SSC5D: variants seen among roughly 807,000 people sequenced by gnomAD.
SSC5D encodes the protein scavenger receptor cysteine rich family member with 5 domains.
In SSC5D, 106 loss-of-function variants were observed where a neutral mutation model predicts 104.6. That is an observed-to-expected ratio of 1.01 (90% CI 0.87 to 1.19). SSC5D has a LOEUF of 1.19. Among genes scored for constraint, SSC5D ranks in the 50% most tolerant of loss-of-function variants. SSC5D has a pLI of 0.00. For missense variants in SSC5D, 1,993 were observed against 2,153.8 expected, an observed-to-expected ratio of 0.93 and a Z score of 1.48; for synonymous variants, 860 against 883.5, an observed-to-expected ratio of 0.97 and a Z score of 0.47.
Position 55,498,180 on chromosome 19 carries a change from T to C in SSC5D, c.1688T>C (p.Val563Ala), listed in dbSNP as rs758348721. The C allele has an allele frequency of 1.4e-5, 21 of 1,551,570 alleles. No individual in the cohort carries two copies. Among genetic ancestry groups the C allele is most frequent in the Non-Finnish European group, 1.8e-5 (21 of 1,146,980 alleles). The change falls in exon 9 of 14, where the codon GTT becomes GCT. Residue 563 changes from valine (V) to alanine (A), a missense_variant. Val to Ala is a moderately conservative substitution (Grantham distance 64, BLOSUM62 0). Around this residue, in one of 6 missense-constraint regions of SSC5D, gnomAD observed 1,101 missense variants for 1,085.0 expected, o/e 1.01. Coordinates refer to ENST00000389623, the MANE Select transcript of SSC5D (RefSeq NM_001144950.2). ...GKHNCAHNEDVGVTCTGPPGL... is the reference protein window; with the variant it reads ...GKHNCAHNEDAGVTCTGPPGL... ...CACAACTGCGCTCACAATGAGGATG[T>C]TGGGGTCACCTGCACTGGTAAGGAG...
Position 55,497,998 on chromosome 19 carries a change from T to G in SSC5D, c.1506T>G (p.Ala502=), listed in dbSNP as rs1987370034. 1 of 1,551,662 alleles carries G rather than the reference T, an allele frequency of 6.4e-7. No individual in the cohort carries two copies. Among genetic ancestry groups the G allele is most frequent in the Non-Finnish European group, 8.7e-7 (1 of 1,147,018 alleles). ...CDDSWDMRDS[A]VVCRELGCGG... ...ATAGCTGGGACATGCGGGATTCAGC[T>G]GTGGTCTGCCGGGAGCTGGGCTGTG... is the stretch of plus-strand genomic sequence containing the variant. Residue 502 remains alanine (A), a synonymous_variant, in exon 9 of 14, where the codon GCT becomes GCG. Transcript: ENST00000389623.
chr19:55,488,556 C>G lies in SSC5D; in HGVS notation c.-34C>G. 6.5e-7 allele frequency: 1 copy of G among 1,548,472 alleles called. No homozygotes were observed. Among genetic ancestry groups the G allele is most frequent in the Non-Finnish European group, 8.7e-7 (1 of 1,144,832 alleles). On this transcript the variant is annotated 5_prime_UTR_variant, in exon 1 of 14. Transcript: ENST00000389623. ...TCCTCTTCTCTCCCCGCTCTCCTTC[C>G]CCTTTCACCCCATCCCCTGCCCTGG...
intron 13 of SSC5D, among the ~76,000 whole-genome samples, chr19:55,516,930 C>T (rs867496730): frequency 6.6e-6 from 1 of 152,010 alleles, no homozygotes; most frequent in African/African-American, 2.4e-5. Flanking sequence ...CCCACGCATC[C>T]CTCCCTCACC....
In SSC5D at chr19:55,490,895, G is replaced by A. The variant is rs1400626673; in HGVS notation, c.710G>A (p.Arg237Gln). ...CTGCGCGACGCTGCTGTAGCCTGCC[G>A]GGAACTGGGCTGTGGGGGGGCGCTG... is the stretch of plus-strand genomic sequence containing the variant. ...WDLRDAAVAC[R>Q]ELGCGGALAA... The change falls in exon 6 of 14, where the codon CGG (arginine) becomes CAG (glutamine). Residue 237 changes from arginine (R) to glutamine (Q), a missense_variant. By Grantham distance (43) the Arg-to-Gln change is conservative. Around this residue, in one of 6 missense-constraint regions of SSC5D, gnomAD observed 1,101 missense variants for 1,085.0 expected, o/e 1.01. Coordinates refer to ENST00000389623, the MANE Select transcript of SSC5D (RefSeq NM_001144950.2). 31 of 1,545,754 alleles carry A rather than the reference G, an allele frequency of 2.0e-5. No homozygotes were observed. The highest frequency in any genetic ancestry group is 4.8e-5 in the South Asian group (4 of 83,564).
In SSC5D at chr19:55,518,288, A is replaced by T; in HGVS notation, c.4012A>T (p.Thr1338Ser). 6.5e-7 allele frequency: 1 copy of T among 1,548,690 alleles called. No individual in the cohort carries two copies. The highest frequency in any genetic ancestry group is 1.2e-5 in the South Asian group (1 of 83,956). ...PDPSSTPVIT[T>S]VSLPTSLGTE... Reference sequence around the variant, plus strand: ...CCCTTCCTCAACCCCTGTCATCACTACTGTGTCCCTTCCAACCTCCTTGGG... The same window carrying T: ...CCCTTCCTCAACCCCTGTCATCACTTCTGTGTCCCTTCCAACCTCCTTGGG... Residue 1338 changes from threonine to serine, a missense_variant, in exon 14 of 14, where the codon ACT becomes TCT. By Grantham distance (58) the Thr-to-Ser change is moderately conservative. Transcript: ENST00000389623.
intron 8 of SSC5D, among the ~76,000 whole-genome samples, chr19:55,495,231 ATATTTTTTTTT>A (rs1401565850): frequency 3.9e-5 from 1 of 25,968 alleles, no homozygotes; most frequent in Non-Finnish European, 7.2e-5. Context: ...ATATATATAT[ATATTTTTTTTT>A]TTTTTTTTTT....
At chr19:55,508,497 C>T (rs1347690370) in intron 12 of SSC5D, among the ~76,000 whole-genome samples, 2 of 152,150 alleles carry the variant, frequency 1.3e-5, no homozygotes, top group African/African-American at 4.8e-5. Flanking sequence ...CTTGATTTTA[C>T]AGATAAGGAA....
chr19:55,516,404 G>A (rs1324651197), intron 13 of SSC5D, among the ~76,000 whole-genome samples: 4 of 152,074 alleles, frequency 2.6e-5, no homozygotes, highest in Non-Finnish European at 4.4e-5. Context: ...GGCTGAGGCA[G>A]GAGAATGGTG....
At position 55,500,845 on chromosome 19, in the gene SSC5D, G is replaced by A; in HGVS notation, c.2617+41G>A. On this transcript the variant is annotated intron_variant, in intron 11 of 13. Coordinates refer to ENST00000389623, the MANE Select transcript of SSC5D (RefSeq NM_001144950.2). This position sits in a 1 kb window ranked among gnomAD's most constrained non-coding sequence, Gnocchi z 4.6. ...GGCGGTGGTGGGGTTGTCGGGGGTG[G>A]CCAGGAGAATGGAGTCAGGGTGGGG... is the stretch of plus-strand genomic sequence containing the variant. The A allele has an allele frequency of 2.0e-6, 3 of 1,528,216 alleles. No homozygotes were observed. Among genetic ancestry groups the A allele is most frequent in the Non-Finnish European group, 1.8e-6 (2 of 1,133,584 alleles). The allele number at this position is 1,528,216 out of a possible 1,614,324, so 94.7% of individuals were successfully genotyped here. A position where few individuals can be genotyped will look rare whatever the true frequency, so the allele number is the denominator to read the frequency against.
chr19:55,494,736 C>T lies in SSC5D; in HGVS notation c.1340C>T (p.Pro447Leu). 6.5e-7 allele frequency: 1 copy of T among 1,550,012 alleles called. No homozygotes were observed. The highest frequency in any genetic ancestry group is 1.2e-5 in the South Asian group (1 of 83,990). ...GCTCCAGGGACGGCAGGCGTTTCACCTCCTCCAGCCTCCCCTACTGTCCTT... is the reference window on the plus strand; with the variant it reads ...GCTCCAGGGACGGCAGGCGTTTCACTTCCTCCAGCCTCCCCTACTGTCCTT... ...SQAPGTAGVS[P>L]PPASPTVLWE... is the part of the protein sequence containing the mutation. Residue 447 changes from proline (P) to leucine (L), a missense_variant, in exon 8 of 14, where the codon CCT becomes CTT. Physicochemically the swap from Pro to Leu is moderately conservative, Grantham distance 98. This residue lies in a region of SSC5D where 1,101 missense variants were observed against 1,085.0 expected (regional missense o/e 1.01). Transcript: ENST00000389623.
rs1170734737 is a variant in SSC5D, at chr19:55,491,112, T to C, written c.895+32T>C. 9 of 1,531,030 alleles carry C rather than the reference T, an allele frequency of 5.9e-6. No homozygotes were observed. In the South Asian group the frequency reaches 9.8e-5, roughly 17 times the overall value. The allele number at this position is 1,531,030 out of a possible 1,614,324, so 94.8% of individuals were successfully genotyped here. On this transcript the variant is annotated intron_variant, in intron 6 of 13. Coordinates refer to ENST00000389623, the MANE Select transcript of SSC5D (RefSeq NM_001144950.2). ...CGGGCTGGGGCCTGGCCCCCTCCTG[T>C]CTTCCTCAGACCCCAGCTCCCTCTT...
At position 55,493,576 on chromosome 19, in the gene SSC5D, T is replaced by TC; in HGVS notation, c.896-16dup. 7.1e-7 allele frequency: 1 copy of TC among 1,414,396 alleles called. No individual in the cohort carries two copies. 87.6% of individuals were successfully genotyped at this position (1,414,396 alleles called of 1,614,324 possible). A position where few individuals can be genotyped will look rare whatever the true frequency, so the allele number is the denominator to read the frequency against. On this transcript the variant is annotated intron_variant, in intron 6 of 13. Transcript: ENST00000389623. ...CCACCCTCGTTTCCTGGCCCTGTGC[T>TC]CCCTCTCCCACTATCCAGGCCCAGC...
chr19:55,500,415 G>C lies in SSC5D; in HGVS notation c.2302+3G>C. 6.5e-7 allele frequency: 1 copy of C among 1,549,960 alleles called. No individual in the cohort carries two copies. ...TGTTAGCACCACTGGGGAATCAGGT[G>C]AGTGGCCGTGAGGGGTGTGGGGAGA... On this transcript the variant is annotated splice_donor_region_variant and intron_variant, in intron 10 of 13. Coordinates refer to ENST00000389623, the MANE Select transcript of SSC5D (RefSeq NM_001144950.2). This position sits in a 1 kb window ranked among gnomAD's most constrained non-coding sequence, Gnocchi z 4.6.
chr19:55,508,041 T>G (rs1987676527), intron 12 of SSC5D, among the ~76,000 whole-genome samples: 1 of 152,002 alleles, frequency 6.6e-6, no homozygotes, highest in African/African-American at 2.4e-5. Context: ...ACGGGTACCT[T>G]TTACCAGGTC....
At chr19:55,515,901 CTA>C in intron 13 of SSC5D, among the ~76,000 whole-genome samples, 1 of 152,272 alleles carries the variant, frequency 6.6e-6, no homozygotes, top group East Asian at 1.9e-4. Context: ...TGCCTAGACT[CTA>C]TGTGCAAACA....
At chr19:55,502,810 C>T (rs1987540020) in intron 12 of SSC5D, among the ~76,000 whole-genome samples, 1 of 151,192 alleles carries the variant, frequency 6.6e-6, no homozygotes, top group Admixed American at 6.6e-5. Flanking sequence ...TGCACACCAC[C>T]ATGCCTGGCT....
Position 55,517,161 on chromosome 19 carries a change from G to A in SSC5D, c.2948-63G>A, listed in dbSNP as rs886198713. On this transcript the variant is annotated intron_variant, in intron 13 of 13. Transcript: ENST00000389623. ...GGTCGGCTCCTCGAGGGGCGGGGCG[G>A]GACGCGTGGTGGGCGGAGCCGGTTG... 5 of 1,417,422 alleles carry A rather than the reference G, an allele frequency of 3.5e-6. No individual in the cohort carries two copies. In the South Asian group the frequency reaches 6.7e-5, roughly 19 times the overall value. The allele number at this position is 1,417,422 out of a possible 1,614,324, so 87.8% of individuals were successfully genotyped here. A position where few individuals can be genotyped will look rare whatever the true frequency, so the allele number is the denominator to read the frequency against.
Position 55,501,210 on chromosome 19 carries a change from C to G in SSC5D, c.2785+9C>G. The G allele has an allele frequency of 6.6e-7, 1 of 1,508,476 alleles. No individual in the cohort carries two copies. The highest frequency in any genetic ancestry group is 8.8e-7 in the Non-Finnish European group (1 of 1,130,012). The allele number at this position is 1,508,476 out of a possible 1,614,324, so 93.4% of individuals were successfully genotyped here. A position where few individuals can be genotyped will look rare whatever the true frequency, so the allele number is the denominator to read the frequency against. ...GCGCCTGCCGGACACAGGTGAGAGG[C>G]CTGATTGGGGTGGCCATGGAGGGCC... On this transcript the variant is annotated intron_variant, in intron 12 of 13. Transcript: ENST00000389623.
At chr19:55,502,368 T>C (rs1418315904) in intron 12 of SSC5D, among the ~76,000 whole-genome samples, 1 of 152,172 alleles carries the variant, frequency 6.6e-6, no homozygotes, top group Non-Finnish European at 1.5e-5. Context: ...TTTTTTTCTT[T>C]CGTTGTCAGT....
Sources: gnomAD v4.1 joint callset for allele counts (sites outside exome capture counted in the v4.1 genomes callset) on GRCh38, gnomAD v4.1.1 for gene constraint, gnomAD v4.1.1 regional missense constraint, Gnocchi (gnomAD v3.1) non-coding constraint, MANE v1.5 for transcripts, NCBI Gene and HGNC (gene_info 2026-07-23, HGNC 2026-07-21) for gene names.